The following ZFAT variants were observed in gnomAD, a reference collection of about 807,000 sequenced individuals.
ZFAT encodes zinc finger protein ZFAT.
ZFAT carries 64 observed loss-of-function variants against 117.7 expected under a neutral mutation model. The ratio of observed to expected loss-of-function variants is 0.54; its 90% confidence interval spans 0.44 to 0.67. The LOEUF is 0.67. Among genes scored for constraint, ZFAT ranks in the 30% least tolerant of loss-of-function variants. The pLI is 0.00. For synonymous variants in ZFAT, 679 were observed against 615.0 expected (o/e 1.10, Z -1.54); for missense variants, 1,433 against 1,584.5 (o/e 0.90, Z 1.62).
chr8:134,755,887 A>G, the ZFAT span, among the ~76,000 whole-genome samples: 1 of 152,112 alleles, frequency 6.6e-6, no homozygotes, highest in Non-Finnish European at 1.5e-5. Context: ...TTCACTTGCA[A>G]CCGAAAGTTT....
chr8:134,582,464 G>A (rs1393791653), intron 10 of ZFAT, among the ~76,000 whole-genome samples: 7 of 152,342 alleles, frequency 4.6e-5, no homozygotes, highest in East Asian at 3.9e-4. Context: ...TTGCCTAAAC[G>A]TTCAGGCAGC....
chr8:134,585,171 T>C (rs1002671134), intron 9 of ZFAT, among the ~76,000 whole-genome samples: 1 of 152,154 alleles, frequency 6.6e-6, no homozygotes, highest in Admixed American at 6.5e-5. Context: ...TCGTTCTGGG[T>C]TGGTCATTTA....
the ZFAT span, among the ~76,000 whole-genome samples, chr8:134,814,942 T>C: frequency 1.1e-4 from 16 of 152,214 alleles, no homozygotes; most frequent in African/African-American, 3.1e-4. Flanking sequence ...ACTAGAAGAA[T>C]AGTAAAATCC....
At chr8:134,748,474 C>A in the ZFAT span, among the ~76,000 whole-genome samples, 2 of 152,136 alleles carry the variant, frequency 1.3e-5, no homozygotes, top group Non-Finnish European at 2.9e-5. Context: ...CTGCTGTAAT[C>A]TATGGTATGA....
At chr8:134,827,328 A>G in the ZFAT span, among the ~76,000 whole-genome samples, 2 of 152,188 alleles carry the variant, frequency 1.3e-5, no homozygotes, top group African/African-American at 2.4e-5. Flanking sequence ...TACAAGCATG[A>G]GCCACCACGC....
chr8:134,683,239 G>C (rs1246685148), intron 1 of ZFAT, among the ~76,000 whole-genome samples: 1 of 152,208 alleles, frequency 6.6e-6, no homozygotes, highest in Admixed American at 6.5e-5. Context: ...GCTGTACACA[G>C]TAGCTCTGCT....
intron 10 of ZFAT, among the ~76,000 whole-genome samples, chr8:134,574,118 C>T (rs1825131198): frequency 6.6e-6 from 1 of 152,212 alleles, no homozygotes; most frequent in African/African-American, 2.4e-5. Flanking sequence ...GTTGACTCTC[C>T]ACGTTGAAGG....
the ZFAT span, among the ~76,000 whole-genome samples, chr8:134,808,854 A>G: frequency 6.6e-6 from 1 of 152,224 alleles, no homozygotes; most frequent in Non-Finnish European, 1.5e-5. Flanking sequence ...TTTCTGAAGT[A>G]TCCATTTCAG....
intron 1 of ZFAT, among the ~76,000 whole-genome samples, chr8:134,704,125 C>A (rs2131361447): frequency 6.6e-6 from 1 of 152,286 alleles, no homozygotes; most frequent in East Asian, 1.9e-4. Context: ...TCTGCTTCCC[C>A]CCAGGGCCCC....
At chr8:134,548,877 T>C (rs1822907516) in intron 11 of ZFAT, among the ~76,000 whole-genome samples, 1 of 152,180 alleles carries the variant, frequency 6.6e-6, no homozygotes, top group South Asian at 2.1e-4. Flanking sequence ...TACTGCTGGG[T>C]TGCACCACAG....
chr8:134,640,484 C>G (rs940450560), intron 2 of ZFAT, among the ~76,000 whole-genome samples: 6 of 152,194 alleles, frequency 3.9e-5, no homozygotes, highest in African/African-American at 1.4e-4. Context: ...GCGTGTGGTA[C>G]AGCAGACATC....
At chr8:134,634,568 T>C (rs1006618815) in intron 3 of ZFAT, among the ~76,000 whole-genome samples, 1 of 151,368 alleles carries the variant, frequency 6.6e-6, no homozygotes, top group Non-Finnish European at 1.5e-5. Context: ...AACACAAGTC[T>C]ACAAATATGT....
chr8:134,489,087 T>C (rs1047948784), intron 15 of ZFAT, among the ~76,000 whole-genome samples: 7 of 151,074 alleles, frequency 4.6e-5, no homozygotes, highest in Non-Finnish European at 7.4e-5. Flanking sequence ...AAGGATCTTA[T>C]AGGAATTTTA....
chr8:134,537,291 GC>G (rs1821910675), intron 11 of ZFAT, among the ~76,000 whole-genome samples: 1 of 152,206 alleles, frequency 6.6e-6, no homozygotes, highest in African/African-American at 2.4e-5. Flanking sequence ...CAGATTTGGG[GC>G]CCCAGGCCCA....
intron 15 of ZFAT, among the ~76,000 whole-genome samples, chr8:134,480,860 G>A (rs1817253069): frequency 6.6e-6 from 1 of 152,202 alleles, no homozygotes; most frequent in African/African-American, 2.4e-5. Context: ...TCCTGACCCT[G>A]TGATTATTCC....
At chr8:134,832,336 C>CTG in the ZFAT span, among the ~76,000 whole-genome samples, 169 of 151,384 alleles carry the variant, frequency 1.1e-3, no homozygotes, top group African/African-American at 3.1e-3. Flanking sequence ...GTACATGTCT[C>CTG]TGTGTGTGTG....
intron 1 of ZFAT, among the ~76,000 whole-genome samples, chr8:134,699,905 A>G (rs1453849488): frequency 6.6e-6 from 1 of 152,232 alleles, no homozygotes; most frequent in Non-Finnish European, 1.5e-5. Context: ...GCTCAGGCAG[A>G]AGGCTGGCAC....
the ZFAT span, among the ~76,000 whole-genome samples, chr8:134,736,117 A>T: frequency 6.6e-6 from 1 of 152,144 alleles, no homozygotes; most frequent in African/African-American, 2.4e-5. Context: ...TTAGAACTGA[A>T]GTCCATCAAC....
the ZFAT span, among the ~76,000 whole-genome samples, chr8:134,737,300 AT>A: frequency 8.0e-4 from 98 of 122,224 alleles, 3 homozygotes; most frequent in African/African-American, 1.6e-3. Flanking sequence ...GAAAATAAAA[AT>A]AAAAATAAAA....
Sources: gnomAD v4.1 joint callset for allele counts (sites outside exome capture counted in the v4.1 genomes callset) on GRCh38, gnomAD v4.1.1 for gene constraint, MANE v1.5 for transcripts, NCBI Gene and HGNC (gene_info 2026-07-23, HGNC 2026-07-21) for gene names.